The following MICAL2 variants were observed in gnomAD, a reference collection of about 807,000 sequenced individuals.
MICAL2 encodes the protein [F-actin]-monooxygenase MICAL2.
Under a neutral mutation model 127.3 loss-of-function variants are expected in MICAL2, and 77 were observed. The ratio of observed to expected loss-of-function variants is 0.60; its 90% confidence interval spans 0.50 to 0.73. The LOEUF (loss-of-function observed/expected upper bound fraction) is 0.73. MICAL2 is among the 30% of genes least tolerant of loss of function. MICAL2 has a pLI of 0.00. For synonymous variants in MICAL2, 570 were observed against 551.1 expected, an observed-to-expected ratio of 1.03 and a Z score of -0.48; for missense variants, 1,351 against 1,434.4, an observed-to-expected ratio of 0.94 and a Z score of 0.94.
intron 3 of MICAL2, among the ~76,000 whole-genome samples, chr11:12,180,349 A>ATATATATATATATTT (rs11403732): frequency 6.4e-5 from 9 of 139,680 alleles, no homozygotes; most frequent in African/African-American, 2.4e-4. Flanking sequence ...ATATGTATAT[A>ATATATATATATATTT]TTTTTTTTTT....
chr11:12,294,833 CCTCCTCCTA>C (rs756217977), downstream of MICAL2: 219 of 1,509,046 alleles, frequency 1.5e-4, 1 homozygote, highest in Non-Finnish European at 1.8e-4. Context: ...TCCTCCTCCT[CCTCCTCCTA>C]CAGCGGGAGG....
intron 1 of MICAL2, among the ~76,000 whole-genome samples, chr11:12,114,136 A>G (rs187564762): frequency 3.3e-5 from 5 of 152,316 alleles, no homozygotes; most frequent in Admixed American, 2.0e-4. Flanking sequence ...CCCAGCTTCC[A>G]CAGTTATTGA....
At chr11:12,348,962 A>G (rs1939000738) in intron 32 of MICAL2, among the ~76,000 whole-genome samples, 1 of 152,254 alleles carries the variant, frequency 6.6e-6, no homozygotes, top group African/African-American at 2.4e-5. Context: ...TAACCAGTGA[A>G]GAAGCAGAGG....
rs1317402155 is a variant in MICAL2, at chr11:12,249,210, T to C, written c.2811T>C (p.His937=). 1 of 1,612,608 alleles carries C rather than the reference T, an allele frequency of 6.2e-7. No individual in the cohort carries two copies. Among genetic ancestry groups the C allele is most frequent in the African/African-American group, 1.3e-5 (1 of 74,892 alleles). The change falls in exon 22 of 28, where the codon CAT becomes CAC. Residue 937 remains histidine (H), a synonymous_variant. Coordinates refer to ENST00000683283, the MANE Select transcript of MICAL2 (RefSeq NM_001282663.2). ...AAAAGAAGTCACCTTCAGGGTTCCA[T>C]TTTCATCCCAGCCATTTGAGAACAG... The part of the protein sequence containing the change: ...RKEKKSPSGF[H]FHPSHLRTVH...
chr11:12,294,101 C>G, downstream of MICAL2: 5 of 1,614,066 alleles, frequency 3.1e-6, no homozygotes, highest in Non-Finnish European at 4.2e-6. Context: ...AGGCCGTGTG[C>G]TAAAACCAGT....
At position 12,231,636 on chromosome 11, in the gene MICAL2, C is replaced by G. The variant is rs77095650; in HGVS notation, c.1995+4505C>G. On this transcript the variant is annotated intron_variant, in intron 15 of 27. Transcript: ENST00000683283. Reference sequence around the variant, plus strand: ...GCGAGGACCCTGCGTAGGCAGCTTACCTTCTAGTGGGACTTACGAACTTCC... The same window carrying G: ...GCGAGGACCCTGCGTAGGCAGCTTAGCTTCTAGTGGGACTTACGAACTTCC... 1.4e-3 allele frequency among the ~76,000 whole-genome samples: 214 copies of G among 152,314 alleles called. 1 individual carries two copies. Among genetic ancestry groups the G allele is most frequent in the African/African-American group, 4.7e-3 (197 of 41,564 alleles).
intron 29 of MICAL2, among the ~76,000 whole-genome samples, chr11:12,300,563 G>C (rs1365634694): frequency 1.3e-5 from 2 of 152,088 alleles, no homozygotes; most frequent in East Asian, 3.9e-4. Flanking sequence ...ATTTGCTGTG[G>C]TGTGGGAGGG....
chr11:12,354,086 C>G (rs1939093638), intron 33 of MICAL2, among the ~76,000 whole-genome samples: 1 of 152,220 alleles, frequency 6.6e-6, no homozygotes, highest in Admixed American at 6.5e-5. Flanking sequence ...CACATTGCAG[C>G]CTTCAGCTGC....
intron 3 of MICAL2, among the ~76,000 whole-genome samples, chr11:12,185,349 T>C (rs1342569583): frequency 6.6e-6 from 1 of 152,018 alleles, no homozygotes; most frequent in East Asian, 1.9e-4. Flanking sequence ...ATTACTGTTG[T>C]TCAGTGCTAG....
chr11:12,166,797 GGGGTA>G (rs929388987), intron 3 of MICAL2, among the ~76,000 whole-genome samples: 59 of 152,304 alleles, frequency 3.9e-4, no homozygotes, highest in Non-Finnish European at 6.5e-4. Context: ...GACTGTGACA[GGGGTA>G]GTCTGGGAAC....
intron 3 of MICAL2, among the ~76,000 whole-genome samples, chr11:12,181,614 T>C (rs2133952146): frequency 6.6e-6 from 1 of 152,372 alleles, no homozygotes; most frequent in South Asian, 2.1e-4. Context: ...TTAACTTGCT[T>C]TAAGATTCAA....
chr11:12,116,258 G>A (rs1022121409), intron 1 of MICAL2, among the ~76,000 whole-genome samples: 4 of 151,124 alleles, frequency 2.6e-5, no homozygotes, highest in African/African-American at 4.9e-5. Context: ...GATTATAGGC[G>A]TGAGCCACTG....
chr11:12,332,085 A>G (rs1938649321), intron 32 of MICAL2, among the ~76,000 whole-genome samples: 1 of 152,164 alleles, frequency 6.6e-6, no homozygotes, highest in Non-Finnish European at 1.5e-5. Flanking sequence ...GCCCCCAAAA[A>G]ACAGTAATGC....
At chr11:12,270,194 G>A (rs1258212199) in intron 24 of MICAL2, among the ~76,000 whole-genome samples, 1 of 152,184 alleles carries the variant, frequency 6.6e-6, no homozygotes, top group Admixed American at 6.5e-5. Flanking sequence ...TCCTGCTGGG[G>A]ACTTGTAGTG....
In MICAL2 at chr11:12,184,192, A is replaced by C. The variant is rs1387178018; in HGVS notation, c.265-20058A>C. 3.9e-5 allele frequency among the ~76,000 whole-genome samples: 6 copies of C among 152,236 alleles called. No homozygotes were observed. In the East Asian group the frequency reaches 1.2e-3, roughly 29 times the overall value. On this transcript the variant is annotated intron_variant, in intron 3 of 27. Coordinates refer to ENST00000683283, the MANE Select transcript of MICAL2 (RefSeq NM_001282663.2). ...GGTGATTGTGAGGCCTGGATAAAATAATATGTGTAAAGCACTTAGAACAGT... is the reference window on the plus strand; with the variant it reads ...GGTGATTGTGAGGCCTGGATAAAATCATATGTGTAAAGCACTTAGAACAGT...
intron 1 of MICAL2, among the ~76,000 whole-genome samples, chr11:12,118,706 G>A (rs899756782): frequency 1.3e-5 from 2 of 152,176 alleles, no homozygotes; most frequent in African/African-American, 4.8e-5. Flanking sequence ...GCTCAAATCC[G>A]AGCCCTGTGG....
chr11:12,294,825 C>T, downstream of MICAL2: 15 of 1,519,000 alleles, frequency 9.9e-6, no homozygotes, highest in Non-Finnish European at 1.3e-5. Context: ...CCTCCTCCTC[C>T]TCCTCCTCCT....
upstream of MICAL2, among the ~76,000 whole-genome samples, chr11:12,273,340 G>A (rs1565289938): frequency 6.6e-6 from 1 of 152,132 alleles, no homozygotes; most frequent in Non-Finnish European, 1.5e-5. Flanking sequence ...AGCTGCTACT[G>A]CTTTTATTAT....
At chr11:12,262,887 G>A (rs1001579601) in intron 27 of MICAL2, 5 of 216,488 alleles carry the variant, frequency 2.3e-5, no homozygotes, top group African/African-American at 1.1e-4. Context: ...TACCATGAGG[G>A]GGCCTCTGTC....
Sources: allele counts gnomAD v4.1 joint callset (sites outside exome capture counted in the v4.1 genomes callset), GRCh38; gene constraint gnomAD v4.1.1; transcripts MANE v1.5; gene names NCBI Gene and HGNC (gene_info 2026-07-23, HGNC 2026-07-21).